TSPAN9: variants seen among roughly 807,000 people sequenced by gnomAD.
TSPAN9 encodes tetraspanin-9.
In TSPAN9, 16 loss-of-function variants were observed where a neutral mutation model predicts 31.0. The ratio of observed to expected loss-of-function variants is 0.52; its 90% confidence interval spans 0.35 to 0.78. TSPAN9 has a LOEUF of 0.78. TSPAN9 is among the 30% of genes least tolerant of loss of function. The probability of loss-of-function intolerance (pLI) is 0.01; values close to 1 mark genes in which losing one functional copy is unlikely to be tolerated. For missense variants in TSPAN9, 272 were observed against 312.5 expected, an observed-to-expected ratio of 0.87 and a Z score of 0.98; for synonymous variants, 145 against 121.6, an observed-to-expected ratio of 1.19 and a Z score of -1.27.
intron 2 of TSPAN9, among the ~76,000 whole-genome samples, chr12:3,157,884 G>A (rs369722098): frequency 6.8e-4 from 104 of 152,252 alleles, no homozygotes; most frequent in African/African-American, 2.5e-3. Context: ...TGATTATAGG[G>A]TGCTGACAAA....
chr12:3,084,122 A>G (rs2098299236), intron 2 of TSPAN9: 1 of 152,240 alleles, frequency 6.6e-6, no homozygotes, highest in South Asian at 2.1e-4. Context: ...AGTCCTGGCC[A>G]GTCCTTAGTG....
intron 3 of TSPAN9, among the ~76,000 whole-genome samples, chr12:3,255,663 G>A (rs1860386): frequency 0.058 from 8,891 of 152,192 alleles, 721 homozygotes; most frequent in East Asian, 0.36. Flanking sequence ...AAAGAACTGG[G>A]GTGTCTAGCT....
intron 3 of TSPAN9, among the ~76,000 whole-genome samples, chr12:3,225,505 G>C (rs2098386736): frequency 6.6e-6 from 1 of 152,218 alleles, no homozygotes; most frequent in Non-Finnish European, 1.5e-5. Context: ...AGTCATGCAC[G>C]TGCAGAAGCG....
At chr12:3,247,221 C>A (rs927662882) in intron 3 of TSPAN9, among the ~76,000 whole-genome samples, 2 of 151,622 alleles carry the variant, frequency 1.3e-5, no homozygotes, top group South Asian at 2.1e-4. Context: ...GACAAAGGCC[C>A]ATGAAACTTA....
chr12:3,094,058 C>T (rs1428746572), intron 2 of TSPAN9, among the ~76,000 whole-genome samples: 1 of 152,042 alleles, frequency 6.6e-6, no homozygotes, highest in African/African-American at 2.4e-5. Context: ...GATGGGGTCG[C>T]ACTATGTTGC....
At position 3,215,805 on chromosome 12, in the gene TSPAN9, G is replaced by A. The variant is rs193131432; in HGVS notation, c.63+14549G>A. Among the ~76,000 whole-genome samples, 33 of 152,190 alleles carry A rather than the reference G, an allele frequency of 2.2e-4. No individual in the cohort carries two copies. In the East Asian group the frequency reaches 6.2e-3, roughly 29 times the overall value. On this transcript the variant is annotated intron_variant, in intron 3 of 8. Transcript: ENST00000011898. Reference sequence around the variant, plus strand: ...GCCCGGCACAGCCTGTATCGGAGTGGAGAACGTAGGTTGGTCCAGAGCACG... The same window carrying A: ...GCCCGGCACAGCCTGTATCGGAGTGAAGAACGTAGGTTGGTCCAGAGCACG...
intron 2 of TSPAN9, among the ~76,000 whole-genome samples, chr12:3,166,372 G>A (rs1452303549): frequency 1.3e-5 from 2 of 152,130 alleles, no homozygotes; most frequent in Non-Finnish European, 2.9e-5. Flanking sequence ...TGATTAATGA[G>A]GTTTTACTAA....
At chr12:3,220,990 G>C (rs2098384212) in intron 3 of TSPAN9, among the ~76,000 whole-genome samples, 1 of 152,174 alleles carries the variant, frequency 6.6e-6, no homozygotes, top group East Asian at 1.9e-4. Context: ...TTATGGCTCG[G>C]TGACTGGAGA....
intron 2 of TSPAN9, among the ~76,000 whole-genome samples, chr12:3,182,573 G>A (rs946328152): frequency 2.0e-5 from 3 of 151,822 alleles, no homozygotes; most frequent in Admixed American, 2.0e-4. Flanking sequence ...ACTGGCACAC[G>A]ACTAGGTTGT....
intron 2 of TSPAN9, among the ~76,000 whole-genome samples, chr12:3,133,238 G>C (rs981752664): frequency 6.6e-6 from 1 of 152,096 alleles, no homozygotes; most frequent in African/African-American, 2.4e-5. Context: ...GGAAAAAGAG[G>C]GGTCCTCTCC....
chr12:3,218,338 G>T (rs544938247), intron 3 of TSPAN9, among the ~76,000 whole-genome samples: 1 of 152,230 alleles, frequency 6.6e-6, no homozygotes, highest in Non-Finnish European at 1.5e-5. Flanking sequence ...AGGAGGAGGC[G>T]TGTTCTCTGC....
chr12:3,210,682 C>G lies in TSPAN9; in HGVS notation c.63+9426C>G, dbSNP rs374536222. Among the ~76,000 whole-genome samples, 27 of 148,424 alleles carry G rather than the reference C, an allele frequency of 1.8e-4. No individual in the cohort carries two copies. In the East Asian group the frequency reaches 2.9e-3, roughly 16 times the overall value. On this transcript the variant is annotated intron_variant, in intron 3 of 8. Transcript: ENST00000011898. ...AATGTAGTCAAATTTTCAGCCTCTT[C>G]TTTGTTAGACTGTACTTTTTATGTA...
chr12:3,179,093 A>G (rs1403408602), intron 2 of TSPAN9, among the ~76,000 whole-genome samples: 1 of 152,186 alleles, frequency 6.6e-6, no homozygotes, highest in Non-Finnish European at 1.5e-5. Context: ...TGTTGGCATT[A>G]GACAGGAACT....
At chr12:3,105,444 A>G (rs2098313842) in intron 2 of TSPAN9, among the ~76,000 whole-genome samples, 1 of 151,716 alleles carries the variant, frequency 6.6e-6, no homozygotes, top group Non-Finnish European at 1.5e-5. Flanking sequence ...AAAAAAAAAA[A>G]AAAGCTACAG....
intron 2 of TSPAN9, among the ~76,000 whole-genome samples, chr12:3,191,668 C>T (rs2098364494): frequency 6.6e-6 from 1 of 152,186 alleles, no homozygotes; most frequent in South Asian, 2.1e-4. Flanking sequence ...AGCTCCTCTG[C>T]ATGTGTTCAT....
chr12:3,205,825 G>C (rs3782824), intron 3 of TSPAN9, among the ~76,000 whole-genome samples: 29,553 of 152,140 alleles, frequency 0.19, 3,187 homozygotes, highest in Middle Eastern at 0.3. Flanking sequence ...GCTGGGGGAA[G>C]GGGGACAGGT....
At chr12:3,095,715 C>T (rs1438630591) in intron 2 of TSPAN9, among the ~76,000 whole-genome samples, 5 of 150,642 alleles carry the variant, frequency 3.3e-5, no homozygotes, top group East Asian at 2.0e-4. Flanking sequence ...GGGGCAGAGG[C>T]GCTCCCCACA....
intron 2 of TSPAN9, among the ~76,000 whole-genome samples, chr12:3,161,772 AATCT>A (rs79768137): frequency 0.35 from 53,156 of 150,180 alleles, 10,391 homozygotes; most frequent in South Asian, 0.55. Flanking sequence ...CTTGGGTTGA[AATCT>A]ATCTATCTAT....
chr12:3,256,371 C>T (rs11612951), intron 3 of TSPAN9, among the ~76,000 whole-genome samples: 13,932 of 152,272 alleles, frequency 0.091, 778 homozygotes, highest in Non-Finnish European at 0.11. Flanking sequence ...AGGCACTTGC[C>T]GCAGGGGTCC....
Sources: gnomAD v4.1 joint callset for allele counts (sites outside exome capture counted in the v4.1 genomes callset) on GRCh38, gnomAD v4.1.1 for gene constraint, MANE v1.5 for transcripts, NCBI Gene and HGNC (gene_info 2026-07-23, HGNC 2026-07-21) for gene names.